The following UTP25 variants were observed in gnomAD, a reference collection of about 807,000 sequenced individuals.
UTP25 encodes U3 small nucleolar RNA-associated protein 25 homolog.
A neutral mutation model predicts 78.9 loss-of-function variants in UTP25; 50 were observed. The ratio of observed to expected loss-of-function variants is 0.63; its 90% CI spans 0.50 to 0.80. The LOEUF (loss-of-function observed/expected upper bound fraction) is 0.80, where lower values mean the gene tolerates loss of function less well. UTP25 is among the 30% of genes least tolerant of loss of function. UTP25 has a pLI of 0.00. For missense variants in UTP25, 846 were observed against 911.3 expected (o/e 0.93, Z 0.92); for synonymous variants, 329 against 336.5 (o/e 0.98, Z 0.24).
chr1:209,850,008 A>G, intron 11 of UTP25, among the ~76,000 whole-genome samples: 1 of 152,174 alleles, frequency 6.6e-6, no homozygotes, highest in East Asian at 1.9e-4. Flanking sequence ...CCTTCAAATT[A>G]GCACCCTCCC....
chr1:209,830,124 G>A lies in UTP25; in HGVS notation c.124G>A (p.Ala42Thr), dbSNP rs1210489418. 2.5e-6 allele frequency: 4 copies of A among 1,611,944 alleles called. No individual in the cohort carries two copies. The highest frequency in any genetic ancestry group is 3.4e-6 in the Non-Finnish European group (4 of 1,178,694). The stretch of plus-strand genomic sequence containing the variant: ...TCTTTTTAGGGTTTCCAGAAAGGAA[G>A]CAAAGCCACAGATTTGTCAACTGGT... ...PFYDRVSRKE[A>T]KPQICQLSES... Residue 42 changes from alanine (A) to threonine (T), a missense_variant, in exon 2 of 12, where the codon GCA (alanine) becomes ACA (threonine). Transcript: ENST00000491415.
At position 209,835,154 on chromosome 1, in the gene UTP25, C is replaced by T. The variant is rs780186975; in HGVS notation, c.642C>T (p.His214=). The T allele has an allele frequency of 2.2e-5, 36 of 1,613,208 alleles. No homozygotes were observed. The Admixed American group carries it at 3.2e-4, about 14-fold the overall frequency. ...QAVATNPKTT[H]ELKWPILGQL... ...TTGCCACAAATCCCAAAACTACCCACGAGCTTAAAGTAAGTGTTGCTTGGT... is the reference window on the plus strand; with the variant it reads ...TTGCCACAAATCCCAAAACTACCCATGAGCTTAAAGTAAGTGTTGCTTGGT... Residue 214 remains histidine (H), a synonymous_variant, in exon 5 of 12, where the codon CAC becomes CAT. Coordinates refer to ENST00000491415, the MANE Select transcript of UTP25 (RefSeq NM_014388.7).
chr1:209,857,407 A>G lies in UTP25; in HGVS notation c.*5960A>G, dbSNP rs2078286017. ...CAACCCATGCCCATTCCACAAATAC[A>G]AGTGAAATAGTGAAAAACAAAAATC... On this transcript the variant is annotated 3_prime_UTR_variant, in exon 12 of 12. Transcript: ENST00000491415. 1 of 152,138 alleles carries G rather than the reference A, an allele frequency of 6.6e-6. No individual in the cohort carries two copies. Among genetic ancestry groups the G allele is most frequent in the East Asian group, 1.9e-4 (1 of 5,194 alleles). The allele number at this position is 152,138 out of a possible 1,614,324, so 9.4% of individuals were successfully genotyped here.
At position 209,855,180 on chromosome 1, in the gene UTP25, G is replaced by C. The variant is rs1273006983; in HGVS notation, c.*3733G>C. The C allele has an allele frequency of 3.3e-5, 5 of 152,154 alleles. No homozygotes were observed. 9.4% of individuals were successfully genotyped at this position (152,154 alleles called of 1,614,324 possible). A position where few individuals can be genotyped will look rare whatever the true frequency, so the allele number is the denominator to read the frequency against. On this transcript the variant is annotated 3_prime_UTR_variant, in exon 12 of 12. Coordinates refer to ENST00000491415, the MANE Select transcript of UTP25 (RefSeq NM_014388.7). Reference sequence around the variant, plus strand: ...CAAGCAAACCCCGCGACGTTCAGCCGTCTTCCTCCTATGCCACGTGCTCTC... The same window carrying C: ...CAAGCAAACCCCGCGACGTTCAGCCCTCTTCCTCCTATGCCACGTGCTCTC...
chr1:209,843,162 GTGAC>G (rs771148172), intron 10 of UTP25: 78 of 452,832 alleles, frequency 1.7e-4, no homozygotes, highest in East Asian at 3.0e-4. Context: ...GAGTGACTGA[GTGAC>G]TGACTGACTG....
chr1:209,843,761 C>T, intron 11 of UTP25, 65 bp downstream of exon 11: 1 of 1,553,912 alleles, frequency 6.4e-7, no homozygotes, highest in Non-Finnish European at 8.7e-7. Flanking sequence ...TCATGGCCTG[C>T]TCTGAATGCA....
chr1:209,847,100 T>C (rs1237890660), intron 11 of UTP25, among the ~76,000 whole-genome samples: 1 of 152,214 alleles, frequency 6.6e-6, no homozygotes, highest in East Asian at 1.9e-4. Context: ...TTTTTTTTCC[T>C]TTGTCTTAGA....
Position 209,828,151 on chromosome 1 carries a change from G to A in UTP25, c.88G>A (p.Glu30Lys). 1 of 1,614,098 alleles carries A rather than the reference G, an allele frequency of 6.2e-7. No homozygotes were observed. The highest frequency in any genetic ancestry group is 2.2e-5 in the East Asian group (1 of 44,872). Reference protein sequence around the residue: ...QKKHLRDFGEEHPFYDRVSRK... With the variant: ...QKKHLRDFGEKHPFYDRVSRK... Reference sequence around the variant, plus strand: ...GAAACATCTTCGAGATTTCGGCGAGGAGCATCCCTTCTATGACAGGTCTGA... The same window carrying A: ...GAAACATCTTCGAGATTTCGGCGAGAAGCATCCCTTCTATGACAGGTCTGA... The change falls in exon 1 of 12, where the codon GAG (glutamate) becomes AAG (lysine). Residue 30 changes from glutamate to lysine, a missense_variant. Glu to Lys is a moderately conservative substitution (Grantham distance 56). Coordinates refer to ENST00000491415, the MANE Select transcript of UTP25 (RefSeq NM_014388.7).
intron 11 of UTP25, among the ~76,000 whole-genome samples, chr1:209,850,519 C>T (rs1329458371): frequency 6.6e-6 from 1 of 152,186 alleles, no homozygotes; most frequent in Non-Finnish European, 1.5e-5. Flanking sequence ...TATGGAATCC[C>T]ACAGGGGAAC....
At chr1:209,845,174 C>G (rs2078190959) in intron 11 of UTP25, among the ~76,000 whole-genome samples, 1 of 152,198 alleles carries the variant, frequency 6.6e-6, no homozygotes, top group African/African-American at 2.4e-5. Flanking sequence ...ATGGCATGAC[C>G]TCTTAGAGAG....
At chr1:209,850,840 A>T (rs565706494) in intron 11 of UTP25, among the ~76,000 whole-genome samples, 3 of 152,258 alleles carry the variant, frequency 2.0e-5, no homozygotes, top group African/African-American at 7.2e-5. Flanking sequence ...TTGCCTGATT[A>T]TAATAAGGCT....
intron 11 of UTP25, chr1:209,844,715 G>A (rs989596035): frequency 6.6e-6 from 1 of 151,408 alleles, no homozygotes; most frequent in African/African-American, 2.4e-5. Context: ...GGATAGTGGC[G>A]GCCCTTCTGG....
At position 209,856,561 on chromosome 1, in the gene UTP25, T is replaced by C. The variant is rs1218488053; in HGVS notation, c.*5114T>C. 2 of 152,312 alleles carry C rather than the reference T, an allele frequency of 1.3e-5. No individual in the cohort carries two copies. The highest frequency in any genetic ancestry group is 1.3e-4 in the Admixed American group (2 of 15,288). The allele number at this position is 152,312 out of a possible 1,614,324, so 9.4% of individuals were successfully genotyped here. The stretch of plus-strand genomic sequence containing the variant: ...TGTTGTAGAGCTGCCATACCAGTCC[T>C]GCATGGTATTCCTGTGCACTACTGT... On this transcript the variant is annotated 3_prime_UTR_variant, in exon 12 of 12. Coordinates refer to ENST00000491415, the MANE Select transcript of UTP25 (RefSeq NM_014388.7).
At chr1:209,847,614 C>T (rs2078206501) in intron 11 of UTP25, among the ~76,000 whole-genome samples, 2 of 152,200 alleles carry the variant, frequency 1.3e-5, no homozygotes, top group African/African-American at 4.8e-5. Context: ...ACCATTATAG[C>T]TCTTTCCCCT....
intron 8 of UTP25, among the ~76,000 whole-genome samples, chr1:209,841,588 T>TA (rs1233522964): frequency 2.6e-5 from 4 of 152,202 alleles, no homozygotes; most frequent in African/African-American, 9.7e-5. Context: ...TCTGCAGTGT[T>TA]ATCAGTTTTA....
At chr1:209,845,547 G>A (rs1011079883) in intron 11 of UTP25, among the ~76,000 whole-genome samples, 1 of 152,172 alleles carries the variant, frequency 6.6e-6, no homozygotes, top group African/African-American at 2.4e-5. Flanking sequence ...TTTGTAAGCA[G>A]GACAGTCTCC....
rs147556210 is a variant in UTP25 at position 209,837,205 on chromosome 1, G to A, written c.1056G>A (p.Arg352=). 323 of 1,612,748 alleles carry A rather than the reference G, an allele frequency of 2.0e-4. No individual in the cohort carries two copies. In the East Asian group the frequency reaches 5.9e-3, roughly 29 times the overall value. ...ACTTCAGAGACCAAGGGTTAACAAG[G>A]CCCAAGGTGAGTCCAGCAGGAAAGC... ...DDDFRDQGLT[R]PKVLIVVPFR... The change falls in exon 6 of 12, where the codon AGG becomes AGA. Residue 352 remains arginine (R), a synonymous_variant. Coordinates refer to ENST00000491415, the MANE Select transcript of UTP25 (RefSeq NM_014388.7).
chr1:209,830,076 G>T (rs2078094241), intron 1 of UTP25, 32 bp from the exon 2 acceptor site: 2 of 1,595,670 alleles, frequency 1.3e-6, no homozygotes, highest in South Asian at 1.1e-5. Context: ...CATACTAGTA[G>T]TTAGAATGTA....
At chr1:209,841,369 T>A (rs2078166189) in intron 8 of UTP25, among the ~76,000 whole-genome samples, 1 of 152,218 alleles carries the variant, frequency 6.6e-6, no homozygotes. Context: ...GATAGGTTGA[T>A]GGATGGATGG....
Sources: allele counts gnomAD v4.1 joint callset (sites outside exome capture counted in the v4.1 genomes callset), GRCh38; gene constraint gnomAD v4.1.1; transcripts MANE v1.5; gene names NCBI Gene and HGNC (gene_info 2026-07-23, HGNC 2026-07-21).